ANKFN1: variants seen among roughly 807,000 people sequenced by gnomAD.
The protein encoded by ANKFN1 is ankyrin repeat and fibronectin type-III domain-containing protein 1.
ANKFN1 carries 74 observed loss-of-function variants against 108.7 expected under a neutral mutation model. That is an observed-to-expected ratio of 0.68 (90% confidence interval 0.56 to 0.83). ANKFN1 has a LOEUF of 0.83. Ranked by LOEUF, ANKFN1 falls within the 40% of genes least tolerant of loss-of-function variation. The pLI is 0.00. For synonymous variants in ANKFN1, 547 were observed against 516.2 expected, an observed-to-expected ratio of 1.06 and a Z score of -0.81; for missense variants, 1,505 against 1,382.3, an observed-to-expected ratio of 1.09 and a Z score of -1.41.
chr17:56,373,306 G>T (rs1375346794), intron 7 of ANKFN1, among the ~76,000 whole-genome samples: 1 of 152,146 alleles, frequency 6.6e-6, no homozygotes, highest in African/African-American at 2.4e-5. Flanking sequence ...ACAGGCAACC[G>T]AAAAGAACAA....
At chr17:56,207,567 C>T (rs1015361435) in intron 1 of ANKFN1, among the ~76,000 whole-genome samples, 2 of 152,180 alleles carry the variant, frequency 1.3e-5, no homozygotes, top group Non-Finnish European at 1.5e-5. Flanking sequence ...ACATTCATCT[C>T]TGCCACCTTC....
intron 6 of ANKFN1, among the ~76,000 whole-genome samples, chr17:56,355,353 G>T (rs1179376726): frequency 6.6e-6 from 1 of 152,088 alleles, no homozygotes; most frequent in Admixed American, 6.6e-5. Flanking sequence ...AGATGTGGGG[G>T]TCAAATTCTC....
chr17:56,189,472 C>A (rs1418927288), intron 1 of ANKFN1, among the ~76,000 whole-genome samples: 3 of 152,152 alleles, frequency 2.0e-5, no homozygotes, highest in African/African-American at 7.2e-5. Flanking sequence ...GCCCGGCCTG[C>A]CCTGACTTTT....
chr17:56,104,764 T>G (rs2143230980), intron 4 of ANKFN1, among the ~76,000 whole-genome samples: 1 of 152,292 alleles, frequency 6.6e-6, no homozygotes, highest in Non-Finnish European at 1.5e-5. Context: ...TTGAGTAATG[T>G]TTGAGAAGAG....
intron 8 of ANKFN1, among the ~76,000 whole-genome samples, chr17:56,404,143 GTGA>G (rs1383435947): frequency 6.6e-6 from 1 of 152,084 alleles, no homozygotes; most frequent in East Asian, 1.9e-4. Flanking sequence ...ATGTGCCTAG[GTGA>G]TGATCTTTTT....
At chr17:56,500,511 T>C (rs1189239470) in intron 20 of ANKFN1, among the ~76,000 whole-genome samples, 1 of 152,196 alleles carries the variant, frequency 6.6e-6, no homozygotes, top group Admixed American at 6.5e-5. Context: ...GAAACAGATA[T>C]ATTAACAAAA....
chr17:56,324,898 C>T (rs1022758176), intron 3 of ANKFN1, among the ~76,000 whole-genome samples: 2 of 152,182 alleles, frequency 1.3e-5, no homozygotes, highest in Non-Finnish European at 1.5e-5. Flanking sequence ...TGCCTCAGAT[C>T]GGAACTCCAG....
At chr17:56,124,495 C>T (rs1031839834) in intron 4 of ANKFN1, among the ~76,000 whole-genome samples, 1 of 152,124 alleles carries the variant, frequency 6.6e-6, no homozygotes, top group African/African-American at 2.4e-5. Flanking sequence ...GTGTCCCTGC[C>T]GGTTTACTCA....
chr17:56,365,441 C>G (rs557262729), intron 6 of ANKFN1, among the ~76,000 whole-genome samples: 11 of 152,072 alleles, frequency 7.2e-5, no homozygotes, highest in Admixed American at 3.3e-4. Context: ...TAAAGATTAT[C>G]ATTAATTTGT....
At chr17:56,463,089 A>G (rs1286952624) in intron 14 of ANKFN1, among the ~76,000 whole-genome samples, 1 of 152,220 alleles carries the variant, frequency 6.6e-6, no homozygotes, top group East Asian at 1.9e-4. Flanking sequence ...CTCCTTTAAT[A>G]TATAATAGTA....
At chr17:56,125,288 C>T (rs964081882) in intron 4 of ANKFN1, among the ~76,000 whole-genome samples, 5 of 152,214 alleles carry the variant, frequency 3.3e-5, no homozygotes, top group Non-Finnish European at 4.4e-5. Flanking sequence ...ATATGCTTTG[C>T]ACATTGTATG....
intron 1 of ANKFN1, among the ~76,000 whole-genome samples, chr17:56,165,373 T>C (rs1910050912): frequency 1.3e-5 from 2 of 152,212 alleles, no homozygotes; most frequent in East Asian, 1.9e-4. Context: ...CACTATTAAC[T>C]AGGCCACTCA....
chr17:56,274,642 G>A (rs1451658449), intron 3 of ANKFN1, among the ~76,000 whole-genome samples: 2 of 152,152 alleles, frequency 1.3e-5, no homozygotes, highest in African/African-American at 4.8e-5. Context: ...CACCCTATTA[G>A]AGGCACTGAA....
intron 1 of ANKFN1, among the ~76,000 whole-genome samples, chr17:56,198,673 T>G (rs1287735004): frequency 6.6e-6 from 1 of 152,220 alleles, no homozygotes; most frequent in Non-Finnish European, 1.5e-5. Flanking sequence ...AAAATTACCA[T>G]TTTTTCTCCC....
chr17:56,207,906 C>T (rs989376069), intron 1 of ANKFN1, among the ~76,000 whole-genome samples: 3 of 152,162 alleles, frequency 2.0e-5, no homozygotes, highest in Non-Finnish European at 2.9e-5. Context: ...ATCTTGTCCA[C>T]GTCTAACTCT....
intron 4 of ANKFN1, among the ~76,000 whole-genome samples, chr17:56,061,150 G>T (rs1197697114): frequency 6.6e-6 from 1 of 151,486 alleles, no homozygotes; most frequent in African/African-American, 2.4e-5. Context: ...CTTCTTCCTG[G>T]TTTAGTCTTG....
At chr17:56,258,881 G>A (rs904102474) in intron 3 of ANKFN1, among the ~76,000 whole-genome samples, 7 of 151,972 alleles carry the variant, frequency 4.6e-5, no homozygotes, top group African/African-American at 1.7e-4. Context: ...ACTGCACTCT[G>A]GCCTGGGTGA....
intron 4 of ANKFN1, among the ~76,000 whole-genome samples, chr17:56,049,823 G>C (rs1904743360): frequency 1.3e-5 from 2 of 149,130 alleles, no homozygotes; most frequent in African/African-American, 5.0e-5. Flanking sequence ...CCAAGTCTTT[G>C]CTATTGTGAA....
At chr17:56,166,928 C>G (rs768346629) in intron 1 of ANKFN1, among the ~76,000 whole-genome samples, 10 of 151,978 alleles carry the variant, frequency 6.6e-5, no homozygotes, top group Non-Finnish European at 1.3e-4. Context: ...CCAGTTCTTC[C>G]CATTAGTTGT....
Sources: allele counts gnomAD v4.1 joint callset (sites outside exome capture counted in the v4.1 genomes callset), GRCh38; gene constraint gnomAD v4.1.1; transcripts MANE v1.5; gene names NCBI Gene and HGNC (gene_info 2026-07-23, HGNC 2026-07-21).